The following SPATA6 variants were observed in gnomAD, a reference collection of about 807,000 sequenced individuals.
SPATA6 encodes spermatogenesis associated 6.
Under a neutral mutation model 65.3 loss-of-function variants are expected in SPATA6, and 56 were observed. The observed-to-expected ratio is 0.86, with a 90% CI of 0.69 to 1.07. The LOEUF is 1.07. Among genes scored for constraint, SPATA6 ranks in the 50% least tolerant of loss-of-function variants. SPATA6 has a pLI of 0.00. For synonymous variants in SPATA6, 199 were observed against 213.2 expected (o/e 0.93, Z 0.58); for missense variants, 590 against 594.8 (o/e 0.99, Z 0.08).
the SPATA6 span, among the ~76,000 whole-genome samples, chr1:48,263,708 C>T: frequency 1.3e-5 from 2 of 152,172 alleles, no homozygotes; most frequent in African/African-American, 4.8e-5. Flanking sequence ...TACTCATTGA[C>T]TCCTCAGCAA....
chr1:48,364,299 T>C (rs999883090), intron 9 of SPATA6, among the ~76,000 whole-genome samples: 51 of 152,232 alleles, frequency 3.4e-4, no homozygotes, highest in Non-Finnish European at 1.8e-4. Flanking sequence ...TGATTTATAT[T>C]CCTTTGGGTA....
chr1:48,354,849 G>A (rs762186437), intron 11 of SPATA6, among the ~76,000 whole-genome samples: 3 of 152,212 alleles, frequency 2.0e-5, no homozygotes, highest in East Asian at 3.9e-4. Flanking sequence ...TAGTTTACAT[G>A]AGACTGTTAA....
intron 7 of SPATA6, among the ~76,000 whole-genome samples, chr1:48,398,816 G>C (rs1650854179): frequency 6.6e-6 from 1 of 151,712 alleles, no homozygotes; most frequent in South Asian, 2.1e-4. Flanking sequence ...ACAGAGACTA[G>C]AACTAGGTTA....
chr1:48,308,997 C>T (rs1645132197), intron 11 of SPATA6, among the ~76,000 whole-genome samples: 1 of 152,076 alleles, frequency 6.6e-6, no homozygotes, highest in South Asian at 2.1e-4. Flanking sequence ...GTGATTCTCC[C>T]ATTTCAACCT....
rs7518970 is a variant in SPATA6 at position 48,417,568 on chromosome 1, C to G, written c.239-4417G>C. 1.4e-3 allele frequency among the ~76,000 whole-genome samples: 211 copies of G among 152,228 alleles called. 1 individual carries two copies. The highest frequency in any genetic ancestry group is 4.8e-3 in the African/African-American group (201 of 41,536). ...AGGTGGCTCATACCTGTAATCCCAG[C>G]ACTTTGGGAGGCTGAGGTGGGCAGA... On this transcript the variant is annotated intron_variant, in intron 3 of 12. Coordinates refer to ENST00000371847, the MANE Select transcript of SPATA6 (RefSeq NM_019073.4).
chr1:48,378,471 G>C (rs1163555452), intron 9 of SPATA6, among the ~76,000 whole-genome samples: 11 of 152,088 alleles, frequency 7.2e-5, no homozygotes, highest in Non-Finnish European at 1.6e-4. Flanking sequence ...TGCTGATAAA[G>C]ACATACACAA....
intron 1 of SPATA6, among the ~76,000 whole-genome samples, chr1:48,467,887 A>G (rs1192216447): frequency 6.6e-6 from 1 of 152,194 alleles, no homozygotes; most frequent in East Asian, 1.9e-4. Context: ...AATTCAAAAA[A>G]TTGTAAGTGT....
intron 11 of SPATA6, among the ~76,000 whole-genome samples, chr1:48,337,141 T>C (rs561580556): frequency 6.6e-6 from 1 of 151,958 alleles, no homozygotes; most frequent in East Asian, 1.9e-4. Flanking sequence ...GATGCAAAAA[T>C]CTTAGGTATA....
rs111711342 is a variant in SPATA6, at chr1:48,367,171, T to C, written c.910-7401A>G. Among the ~76,000 whole-genome samples the C allele has an allele frequency of 2.6e-5, 4 of 152,322 alleles. No individual in the cohort carries two copies. In the South Asian group the frequency reaches 8.3e-4, roughly 32 times the overall value. On this transcript the variant is annotated intron_variant, in intron 9 of 12. Coordinates refer to ENST00000371847, the MANE Select transcript of SPATA6 (RefSeq NM_019073.4). ...CTGTGGTCTGAGAGACAGTTTGTTA[T>C]AATTTCTGTTCTTTTACATTTGCTG...
chr1:48,376,895 C>G (rs1464641647), intron 9 of SPATA6, among the ~76,000 whole-genome samples: 2 of 152,026 alleles, frequency 1.3e-5, no homozygotes, highest in Non-Finnish European at 2.9e-5. Context: ...TATATCAGAC[C>G]TAAACATAGA....
Position 48,393,992 on chromosome 1 carries a change from A to G in SPATA6, c.868+1275T>C, listed in dbSNP as rs145457387. Among the ~76,000 whole-genome samples, 10 of 152,212 alleles carry G rather than the reference A, an allele frequency of 6.6e-5. 1 individual carries two copies. In the East Asian group the frequency reaches 1.9e-3, roughly 29 times the overall value. ...AACATATTAAGTTTTAGGGCATACA[A>G]ATTCAGTCCATAATAATATCCCTGT... On this transcript the variant is annotated intron_variant, in intron 8 of 12. Coordinates refer to ENST00000371847, the MANE Select transcript of SPATA6 (RefSeq NM_019073.4).
chr1:48,348,974 TG>T (rs1483321805), intron 11 of SPATA6, among the ~76,000 whole-genome samples: 2 of 152,004 alleles, frequency 1.3e-5, no homozygotes, highest in Non-Finnish European at 2.9e-5. Context: ...TTTTCAGTAT[TG>T]CTAATCCATA....
chr1:48,292,206 G>C (rs1380047243), downstream of SPATA6, among the ~76,000 whole-genome samples: 2 of 152,230 alleles, frequency 1.3e-5, no homozygotes, highest in Non-Finnish European at 2.9e-5. Flanking sequence ...GGTAAGAAAA[G>C]TTCTTCACTG....
At chr1:48,338,897 G>A (rs1421002755) in intron 11 of SPATA6, among the ~76,000 whole-genome samples, 1 of 151,950 alleles carries the variant, frequency 6.6e-6, no homozygotes, top group Non-Finnish European at 1.5e-5. Flanking sequence ...CCGATGAGTT[G>A]ACATTTGACT....
At chr1:48,290,278 C>T in the SPATA6 span, among the ~76,000 whole-genome samples, 1 of 152,134 alleles carries the variant, frequency 6.6e-6, no homozygotes, top group Non-Finnish European at 1.5e-5. Flanking sequence ...GAAATAAAAT[C>T]CTTTACAGAC....
chr1:48,460,309 G>A (rs756911122), intron 1 of SPATA6, among the ~76,000 whole-genome samples: 28 of 152,140 alleles, frequency 1.8e-4, no homozygotes, highest in Middle Eastern at 6.8e-3. Flanking sequence ...TTAAATCTTC[G>A]AAATTCTTTT....
At chr1:48,459,147 GT>G (rs1657226962) in intron 1 of SPATA6, among the ~76,000 whole-genome samples, 1 of 144,630 alleles carries the variant, frequency 6.9e-6, no homozygotes, top group Non-Finnish European at 1.5e-5. Context: ...GGTGGTCGCA[GT>G]GAGACAAGAT....
intron 11 of SPATA6, 27 bp downstream of exon 11, chr1:48,355,643 C>T (rs1209780239): frequency 1.9e-6 from 3 of 1,553,614 alleles, no homozygotes; most frequent in Non-Finnish European, 2.6e-6. Flanking sequence ...TATAAATAGT[C>T]TTCAAAAAAA....
chr1:48,451,693 GA>G, intron 2 of SPATA6, 93 bp from the exon 3 acceptor site: 9 of 1,253,648 alleles, frequency 7.2e-6, no homozygotes, highest in Non-Finnish European at 1.0e-5. Flanking sequence ...CACAATCACA[GA>G]AACTTTTGAC....
Sources: allele counts gnomAD v4.1 joint callset (sites outside exome capture counted in the v4.1 genomes callset), GRCh38; gene constraint gnomAD v4.1.1; transcripts MANE v1.5; gene names NCBI Gene and HGNC (gene_info 2026-07-23, HGNC 2026-07-21).